Variants in UBE2G1 observed in about 807,000 individuals in gnomAD.
UBE2G1 encodes ubiquitin conjugating enzyme E2 G1, also known as ubiquitin-conjugating enzyme E2 G1.
Under a neutral mutation model 22.7 loss-of-function variants are expected in UBE2G1, and 5 were observed. The ratio of observed to expected loss-of-function variants is 0.22; its 90% confidence interval spans 0.12 to 0.46. UBE2G1 has a LOEUF of 0.46. UBE2G1 is among the 20% of genes least tolerant of loss of function. UBE2G1 has a pLI of 0.99. For synonymous variants in UBE2G1, 74 were observed against 67.5 expected, an observed-to-expected ratio of 1.10 and a Z score of -0.47; for missense variants, 88 against 203.9, an observed-to-expected ratio of 0.43 and a Z score of 3.46.
chr17:4,288,350 C>A (rs1226496719), intron 4 of UBE2G1, among the ~76,000 whole-genome samples: 1 of 152,050 alleles, frequency 6.6e-6, no homozygotes, highest in Non-Finnish European at 1.5e-5. Flanking sequence ...CCTCAGCCTC[C>A]CGAGTAGCTG....
At chr17:4,301,869 G>A in intron 2 of UBE2G1, 1 of 501,388 alleles carries the variant, frequency 2.0e-6, no homozygotes, top group Non-Finnish European at 4.0e-6. Flanking sequence ...TTCGTGAGTT[G>A]GCTGTATTCT....
At chr17:4,275,703 ATTTCAATGATCTTAAGTG>A (rs1968813457) in intron 5 of UBE2G1, among the ~76,000 whole-genome samples, 3 of 152,204 alleles carry the variant, frequency 2.0e-5, no homozygotes, top group Non-Finnish European at 4.4e-5. Context: ...ATAGGGAAGT[ATTTCAATGATCTTAAGTG>A]TTTCAATGAT....
Position 4,269,834 on chromosome 17 carries a change from A to G in UBE2G1, c.*2720T>C, listed in dbSNP as rs578239289. 1 of 175,364 alleles carries G rather than the reference A, an allele frequency of 5.7e-6. No individual in the cohort carries two copies. The highest frequency in any genetic ancestry group is 1.5e-4 in the South Asian group (1 of 6,726). The allele number at this position is 175,364 out of a possible 1,614,324, so 10.9% of individuals were successfully genotyped here. A position where few individuals can be genotyped will look rare whatever the true frequency, so the allele number is the denominator to read the frequency against. ...TGTTGTTGATGGTTGGCACAAGTTT[A>G]GGGGGAAAAATCATTTTCCTAAAGC... On this transcript the variant is annotated 3_prime_UTR_variant, in exon 6 of 6. Transcript: ENST00000396981.
chr17:4,317,253 G>C (rs1416459576), intron 1 of UBE2G1, among the ~76,000 whole-genome samples: 1 of 152,220 alleles, frequency 6.6e-6, no homozygotes, highest in Admixed American at 6.5e-5. Flanking sequence ...AGGAGGCTGA[G>C]GCAGGAGAAT....
chr17:4,284,024 G>A (rs963263547), intron 4 of UBE2G1, among the ~76,000 whole-genome samples: 1 of 152,028 alleles, frequency 6.6e-6, no homozygotes, highest in African/African-American at 2.4e-5. Context: ...GGACGTGGTG[G>A]TGCATGCCTG....
intron 1 of UBE2G1, among the ~76,000 whole-genome samples, chr17:4,363,724 G>C (rs1332997399): frequency 6.6e-6 from 1 of 151,148 alleles, no homozygotes; most frequent in Non-Finnish European, 1.5e-5. Flanking sequence ...AGGCTGAGAC[G>C]GGCGGATCAC....
chr17:4,355,932 T>A (rs1467835824), intron 1 of UBE2G1, among the ~76,000 whole-genome samples: 3 of 144,702 alleles, frequency 2.1e-5, no homozygotes, highest in African/African-American at 7.6e-5. Context: ...ACTCCCAACC[T>A]CAGGTGATCC....
chr17:4,297,077 A>G (rs1027514500), intron 2 of UBE2G1, among the ~76,000 whole-genome samples: 1 of 152,236 alleles, frequency 6.6e-6, no homozygotes, highest in South Asian at 2.1e-4. Context: ...AGATCAGATC[A>G]TATTACTGCT....
rs1370317771 is a variant in UBE2G1 at position 4,296,708 on chromosome 17, T to A, written c.247+9A>T. The A allele has an allele frequency of 1.9e-6, 3 of 1,612,152 alleles. No individual in the cohort carries two copies. The African/African-American group carries it at 4.0e-5, about 22-fold the overall frequency. ...CTGCAAATGTAAAAGTAAAACTAGA[T>A]AAACTTACCATTTGGGTGCCAGATT... On this transcript the variant is annotated intron_variant, in intron 3 of 5. Coordinates refer to ENST00000396981, the MANE Select transcript of UBE2G1 (RefSeq NM_003342.5).
chr17:4,362,589 C>T (rs1161409958), intron 1 of UBE2G1, among the ~76,000 whole-genome samples: 1 of 152,146 alleles, frequency 6.6e-6, no homozygotes, highest in Non-Finnish European at 1.5e-5. Context: ...ATTATGTTAT[C>T]AACAAAACAT....
At chr17:4,283,479 G>A (rs1968920263) in intron 4 of UBE2G1, among the ~76,000 whole-genome samples, 2 of 152,056 alleles carry the variant, frequency 1.3e-5, no homozygotes, top group African/African-American at 4.8e-5. Flanking sequence ...CAGCCTGGAC[G>A]ACAGAGCGAG....
intron 5 of UBE2G1, among the ~76,000 whole-genome samples, chr17:4,282,314 C>A (rs925140310): frequency 6.6e-6 from 1 of 152,106 alleles, no homozygotes; most frequent in Non-Finnish European, 1.5e-5. Flanking sequence ...AACCCCTGAT[C>A]TCAGGTGTTC....
chr17:4,302,394 C>T, intron 2 of UBE2G1: 2 of 497,800 alleles, frequency 4.0e-6, no homozygotes, highest in South Asian at 1.5e-5. Context: ...TGGGAATCTC[C>T]TATTCATCGC....
chr17:4,291,565 T>TA (rs905421605), intron 3 of UBE2G1, among the ~76,000 whole-genome samples: 16 of 152,160 alleles, frequency 1.1e-4, no homozygotes, highest in East Asian at 7.7e-4. Context: ...TTTTCCTTTT[T>TA]AAAAAAAATC....
intron 1 of UBE2G1, among the ~76,000 whole-genome samples, chr17:4,347,749 T>C (rs1257241770): frequency 6.6e-6 from 1 of 152,162 alleles, no homozygotes; most frequent in African/African-American, 2.4e-5. Flanking sequence ...AGTGACAGGA[T>C]AAAGGCGTGA....
At chr17:4,358,168 A>C (rs1417875790) in intron 1 of UBE2G1, among the ~76,000 whole-genome samples, 1 of 152,094 alleles carries the variant, frequency 6.6e-6, no homozygotes, top group Non-Finnish European at 1.5e-5. Context: ...TCTTACGGTG[A>C]TTTCAATTTG....
chr17:4,302,452 C>A (rs1969195185), intron 2 of UBE2G1: 6 of 502,564 alleles, frequency 1.2e-5, no homozygotes, highest in Admixed American at 1.0e-4. Flanking sequence ...TCCTGAACAT[C>A]AACTGGGAAC....
chr17:4,364,281 T>A (rs1323949222), intron 1 of UBE2G1: 11 of 123,932 alleles, frequency 8.9e-5, no homozygotes, highest in South Asian at 2.5e-4. Flanking sequence ...AAAAAAAAAA[T>A]GCAATAAAGT....
chr17:4,310,822 G>A (rs1969301649), intron 1 of UBE2G1, among the ~76,000 whole-genome samples: 1 of 152,118 alleles, frequency 6.6e-6, no homozygotes, highest in African/African-American at 2.4e-5. Flanking sequence ...CGAGTATATA[G>A]TAGTCGAAAC....
Sources: allele counts gnomAD v4.1 joint callset (sites outside exome capture counted in the v4.1 genomes callset), GRCh38; gene constraint gnomAD v4.1.1; transcripts MANE v1.5; gene names NCBI Gene and HGNC (gene_info 2026-07-23, HGNC 2026-07-21).